Variants in LARGE1 observed in about 807,000 individuals in gnomAD.
The protein encoded by LARGE1 is xylosyl- and glucuronyltransferase LARGE1.
A neutral mutation model predicts 87.6 loss-of-function variants in LARGE1; 43 were observed. The ratio of observed to expected loss-of-function variants is 0.49; its 90% confidence interval spans 0.38 to 0.63. LARGE1 has a LOEUF of 0.63. Among genes scored for constraint, LARGE1 ranks in the 30% least tolerant of loss-of-function variants. The probability of loss-of-function intolerance (pLI) is 0.00; values close to 1 mark genes in which losing one functional copy is unlikely to be tolerated. For missense variants in LARGE1, 802 were observed against 1,000.2 expected (o/e 0.80, Z 2.67); for synonymous variants, 434 against 394.6 (o/e 1.10, Z -1.18).
intron 8 of LARGE1, among the ~76,000 whole-genome samples, chr22:33,383,274 T>A (rs926579281): frequency 1.3e-5 from 2 of 152,142 alleles, no homozygotes; most frequent in Non-Finnish European, 2.9e-5. Context: ...AATGACTATT[T>A]GTTGGCTGGG....
intron 2 of LARGE1, among the ~76,000 whole-genome samples, chr22:33,661,932 C>T (rs1234020380): frequency 6.6e-6 from 1 of 151,944 alleles, no homozygotes; most frequent in Non-Finnish European, 1.5e-5. Flanking sequence ...TGTCTTGGGA[C>T]TGTAAGAAGA....
At chr22:33,341,435 TGA>T (rs1939132730) in intron 9 of LARGE1, among the ~76,000 whole-genome samples, 1 of 152,044 alleles carries the variant, frequency 6.6e-6, no homozygotes, top group South Asian at 2.1e-4. Flanking sequence ...GTTCCATCTA[TGA>T]GAGTCTGCAG....
chr22:33,774,800 T>C (rs753398604), intron 1 of LARGE1, among the ~76,000 whole-genome samples: 1 of 152,244 alleles, frequency 6.6e-6, no homozygotes, highest in Non-Finnish European at 1.5e-5. Context: ...CATCTTATCA[T>C]TGACAGCACA....
intron 1 of LARGE1, among the ~76,000 whole-genome samples, chr22:33,853,363 T>A (rs1255890627): frequency 6.6e-6 from 1 of 152,214 alleles, no homozygotes; most frequent in African/African-American, 2.4e-5. Context: ...TTACAATACC[T>A]GTGTGTATCC....
At chr22:33,175,765 A>C (rs1172588270) in intron 11 of LARGE1, among the ~76,000 whole-genome samples, 1 of 152,206 alleles carries the variant, frequency 6.6e-6, no homozygotes, top group Non-Finnish European at 1.5e-5. Flanking sequence ...ATCCCCATCA[A>C]GTTACCATTG....
chr22:33,321,860 C>A (rs1936750245), intron 10 of LARGE1, among the ~76,000 whole-genome samples: 1 of 152,146 alleles, frequency 6.6e-6, no homozygotes, highest in Non-Finnish European at 1.5e-5. Context: ...ACTCAGTCGC[C>A]CAGGTTGGAG....
intron 12 of LARGE1, among the ~76,000 whole-genome samples, chr22:33,301,025 T>G (rs1259660079): frequency 6.6e-6 from 1 of 152,106 alleles, no homozygotes; most frequent in African/African-American, 2.4e-5. Context: ...GGGAGATCAG[T>G]GCTGAGAAAG....
chr22:33,540,067 T>G (rs1189139181), intron 6 of LARGE1, among the ~76,000 whole-genome samples: 2 of 152,118 alleles, frequency 1.3e-5, no homozygotes, highest in Non-Finnish European at 2.9e-5. Context: ...TGTGGAGGCC[T>G]GCAAAAAATA....
intron 6 of LARGE1, among the ~76,000 whole-genome samples, chr22:33,557,975 C>G (rs1358129757): frequency 6.6e-6 from 1 of 152,236 alleles, no homozygotes; most frequent in African/African-American, 2.4e-5. Flanking sequence ...CCTTTCCCAG[C>G]TGAATTCCAG....
intron 2 of LARGE1, chr22:33,733,255 A>G (rs2083534454): frequency 6.6e-6 from 1 of 152,192 alleles, no homozygotes; most frequent in African/African-American, 2.4e-5. Context: ...TAAGTGGCAG[A>G]CTCTAGTAAT....
At chr22:33,079,118 T>G in the LARGE1 span, among the ~76,000 whole-genome samples, 1 of 151,902 alleles carries the variant, frequency 6.6e-6, no homozygotes, top group Non-Finnish European at 1.5e-5. Context: ...GTAATACTAG[T>G]AACTCCCTAG....
chr22:33,402,314 C>A (rs2065952044), intron 7 of LARGE1, among the ~76,000 whole-genome samples: 1 of 152,128 alleles, frequency 6.6e-6, no homozygotes, highest in African/African-American at 2.4e-5. Context: ...ATGAGGAAAC[C>A]AAGACTTCGG....
chr22:33,280,350 TTC>T (rs1217873535), intron 13 of LARGE1, among the ~76,000 whole-genome samples: 6 of 148,110 alleles, frequency 4.1e-5, no homozygotes, highest in Non-Finnish European at 6.0e-5. Flanking sequence ...AAAGAGAAAA[TTC>T]TCTTTATTAT....
intron 11 of LARGE1, among the ~76,000 whole-genome samples, chr22:33,192,423 A>C (rs570971180): frequency 6.6e-6 from 1 of 152,206 alleles, no homozygotes; most frequent in African/African-American, 2.4e-5. Flanking sequence ...ATGATTAGTG[A>C]TGCTGAGCAT....
At chr22:33,340,764 G>A (rs1939052458) in intron 9 of LARGE1, among the ~76,000 whole-genome samples, 1 of 151,770 alleles carries the variant, frequency 6.6e-6, no homozygotes, top group African/African-American at 2.4e-5. Context: ...AATGACCCTA[G>A]CAAGGCATGC....
intron 1 of LARGE1, among the ~76,000 whole-genome samples, chr22:33,912,523 G>C (rs972425289): frequency 6.6e-6 from 1 of 152,142 alleles, no homozygotes; most frequent in African/African-American, 2.4e-5. Context: ...TAAAAGCAAA[G>C]CTCTCTCAGT....
At chr22:33,604,795 C>G (rs1038739608) in intron 4 of LARGE1, among the ~76,000 whole-genome samples, 3 of 152,172 alleles carry the variant, frequency 2.0e-5, no homozygotes, top group African/African-American at 7.2e-5. Flanking sequence ...AACCACCAAT[C>G]ACTACTGACA....
chr22:33,355,696 G>A (rs528576539), intron 9 of LARGE1, among the ~76,000 whole-genome samples: 1 of 59,680 alleles, frequency 1.7e-5, no homozygotes, highest in African/African-American at 3.4e-5. Context: ...GGCTTTCTGA[G>A]GCCCAGTGTT....
At chr22:33,247,027 A>G (rs1454475783) in intron 11 of LARGE1, among the ~76,000 whole-genome samples, 3 of 147,346 alleles carry the variant, frequency 2.0e-5, no homozygotes, top group Non-Finnish European at 4.5e-5. Flanking sequence ...AATTTTTACT[A>G]TGAGAGAACT....
Sources: gnomAD v4.1 joint callset for allele counts (sites outside exome capture counted in the v4.1 genomes callset) on GRCh38, gnomAD v4.1.1 for gene constraint, MANE v1.5 for transcripts, NCBI Gene and HGNC (gene_info 2026-07-23, HGNC 2026-07-21) for gene names.